MS4A15: variants seen among roughly 807,000 people sequenced by gnomAD.
MS4A15 encodes membrane-spanning 4-domains subfamily A member 15.
MS4A15 carries 22 observed loss-of-function variants against 20.6 expected under a neutral mutation model. The observed-to-expected ratio is 1.07, with a 90% CI of 0.76 to 1.52. The LOEUF is 1.52. Ranked by LOEUF, MS4A15 falls within the 40% of genes most tolerant of loss-of-function variation. The pLI is 0.00. For synonymous variants in MS4A15, 129 were observed against 129.3 expected (o/e 1.00, Z 0.02); for missense variants, 312 against 323.0 (o/e 0.97, Z 0.26).
chr11:60,765,266 G>A (rs1374667093), intron 2 of MS4A15, among the ~76,000 whole-genome samples: 1 of 152,160 alleles, frequency 6.6e-6, no homozygotes. Flanking sequence ...TGGTTGGGTT[G>A]CAGTTTGTTA....
intron 2 of MS4A15, 67 bp from the exon 3 acceptor site, chr11:60,767,463 CTCT>C (rs879507707): frequency 7.1e-7 from 1 of 1,408,346 alleles, no homozygotes; most frequent in Non-Finnish European, 9.3e-7. Context: ...GCCAGCCACG[CTCT>C]CCGCGGGGCC....
At chr11:60,759,630 T>C (rs544579840) in intron 1 of MS4A15, among the ~76,000 whole-genome samples, 83 of 152,278 alleles carry the variant, frequency 5.5e-4, no homozygotes, top group Non-Finnish European at 1.0e-3. Flanking sequence ...GAATGGAATG[T>C]CTCGGTGTAA....
At position 60,773,486 on chromosome 11, in the gene MS4A15, T is replaced by A; in HGVS notation, c.498+2T>A. 6.2e-7 allele frequency: 1 copy of A among 1,613,374 alleles called. No homozygotes were observed. The highest frequency in any genetic ancestry group is 2.2e-5 in the East Asian group (1 of 44,850). ...ATGGATTTTGGTGTTACCAACCGGG[T>A]GCGTTGTCAGATGGCCCTCGGGGTG... On this transcript the variant is annotated splice_donor_variant, in intron 5 of 6. Coordinates refer to ENST00000405633, the MANE Select transcript of MS4A15 (RefSeq NM_001098835.2). LOFTEE classifies it high-confidence loss of function.
rs1401851370 is a variant in MS4A15, at chr11:60,775,605, C to A, written c.613C>A (p.Pro205Thr). 2 of 1,613,542 alleles carry A rather than the reference C, an allele frequency of 1.2e-6. No homozygotes were observed. Among genetic ancestry groups the A allele is most frequent in the Non-Finnish European group, 8.5e-7 (1 of 1,179,666 alleles). ...CQAIHAQASA[P>T]VIFLPNAFSA... ...ACGCTCAGTGCTGTTTTCTTTGCAG[C>A]CTGTGATCTTCCTGCCAAACGCCTT... Residue 205 changes from proline to threonine, a missense_variant and splice_region_variant, in exon 7 of 7, where the codon CCT (proline) becomes ACT (threonine). Transcript: ENST00000405633.
At chr11:60,775,439 T>C (rs1445864245) in intron 6 of MS4A15, among the ~76,000 whole-genome samples, 166 bp from the exon 7 acceptor site, 1 of 152,132 alleles carries the variant, frequency 6.6e-6, no homozygotes, top group Admixed American at 6.5e-5. Context: ...CCCCAGTAAA[T>C]GTTGTTTGAA....
In MS4A15 at chr11:60,771,416, TC is replaced by T. The variant is rs1467315911; in HGVS notation, c.405+72del. 5.2e-5 allele frequency: 83 copies of T among 1,597,608 alleles called. 1 individual carries two copies. In the Admixed American group the frequency reaches 1.4e-3, roughly 27 times the overall value. On this transcript the variant is annotated intron_variant, in intron 4 of 6. Coordinates refer to ENST00000405633, the MANE Select transcript of MS4A15 (RefSeq NM_001098835.2). ...GCTAAATCTCACTCTACCCTGCCCC[TC>T]CCATCCACTCACTCCTTCAGCTCAT...
At position 60,767,664 on chromosome 11, in the gene MS4A15, C is replaced by T. The variant is rs1364367379; in HGVS notation, c.348+9C>T. 5 of 1,543,884 alleles carry T rather than the reference C, an allele frequency of 3.2e-6. No individual in the cohort carries two copies. Among genetic ancestry groups the T allele is most frequent in the African/African-American group, 1.4e-5 (1 of 73,230 alleles). ...TCTGGGGAGGAGCCTGCGTGAGTGC[C>T]GGGGCCATGGAGAGGGAGGGTAGGG... On this transcript the variant is annotated intron_variant, in intron 3 of 6. Coordinates refer to ENST00000405633, the MANE Select transcript of MS4A15 (RefSeq NM_001098835.2).
chr11:60,762,055 GA>G (rs1179657975), intron 1 of MS4A15, among the ~76,000 whole-genome samples: 1 of 152,228 alleles, frequency 6.6e-6, no homozygotes, highest in East Asian at 1.9e-4. Flanking sequence ...CTCATACTCA[GA>G]AAAAAAGATT....
chr11:60,769,785 AG>A (rs1482832728), intron 3 of MS4A15, among the ~76,000 whole-genome samples: 3 of 152,248 alleles, frequency 2.0e-5, no homozygotes, highest in Admixed American at 2.0e-4. Context: ...CCCCAGCAGC[AG>A]GTCGCGCCGG....
At chr11:60,766,446 G>A (rs2134713012) in intron 2 of MS4A15, among the ~76,000 whole-genome samples, 1 of 152,304 alleles carries the variant, frequency 6.6e-6, no homozygotes, top group South Asian at 2.1e-4. Flanking sequence ...GACCACATCT[G>A]TAAAACCCCC....
chr11:60,771,498 G>A (rs1288816724), intron 4 of MS4A15, 151 bp downstream of exon 4: 14 of 1,538,266 alleles, frequency 9.1e-6, no homozygotes, highest in Non-Finnish European at 1.0e-5. Context: ...CACCCAGGCA[G>A]ACCAGACGCA....
chr11:60,762,009 G>C (rs1390168754), intron 1 of MS4A15, among the ~76,000 whole-genome samples: 1 of 152,182 alleles, frequency 6.6e-6, no homozygotes, highest in Admixed American at 6.5e-5. Context: ...AGCTGGGAAG[G>C]AGATTCAACC....
chr11:60,771,931 A>G (rs2134726434), intron 4 of MS4A15, among the ~76,000 whole-genome samples: 1 of 152,340 alleles, frequency 6.6e-6, no homozygotes, highest in African/African-American at 2.4e-5. Context: ...GATCATGAAC[A>G]CGGCAGCGAA....
At chr11:60,759,556 A>G (rs1853679770) in intron 1 of MS4A15, among the ~76,000 whole-genome samples, 1 of 152,082 alleles carries the variant, frequency 6.6e-6, no homozygotes, top group Non-Finnish European at 1.5e-5. Flanking sequence ...GAGGATTAGT[A>G]AAAGAGGAAG....
Position 60,775,585 on chromosome 11 carries a change from C to G in MS4A15, c.613-20C>G. ...AAGCTCCAGCGTCCTCCAGGACGCT[C>G]AGTGCTGTTTTCTTTGCAGCCTGTG... On this transcript the variant is annotated intron_variant, in intron 6 of 6. Coordinates refer to ENST00000405633, the MANE Select transcript of MS4A15 (RefSeq NM_001098835.2). The G allele has an allele frequency of 6.2e-7, 1 of 1,605,992 alleles. No homozygotes were observed. The highest frequency in any genetic ancestry group is 2.2e-5 in the East Asian group (1 of 44,838).
intron 2 of MS4A15, among the ~76,000 whole-genome samples, chr11:60,765,083 T>A (rs1485615904): frequency 6.7e-6 from 1 of 150,000 alleles, no homozygotes; most frequent in Non-Finnish European, 1.5e-5. Context: ...AGTAGAGAAA[T>A]CTCCCGATCA....
At chr11:60,773,331 C>T (rs1854090019) in intron 4 of MS4A15, 61 bp from the exon 5 acceptor site, 8 of 1,440,164 alleles carry the variant, frequency 5.6e-6, no homozygotes, top group Non-Finnish European at 7.6e-6. Context: ...GAGCCACAGC[C>T]CCTGCCTTTT....
intron 1 of MS4A15, among the ~76,000 whole-genome samples, chr11:60,759,646 A>G (rs532548002): frequency 1.3e-5 from 2 of 151,944 alleles, no homozygotes; most frequent in African/African-American, 4.8e-5. Flanking sequence ...TGTAAAGCCG[A>G]CTATTCGTTC....
chr11:60,765,298 G>A lies in MS4A15; in HGVS notation c.225+1340G>A, dbSNP rs558373598. ...GTTATGTAGGAACTCAAATTATGGAGACAGGCTAATGGCCACCTGCTATTT... is the reference window on the plus strand; with the variant it reads ...GTTATGTAGGAACTCAAATTATGGAAACAGGCTAATGGCCACCTGCTATTT... On this transcript the variant is annotated intron_variant, in intron 2 of 6. Coordinates refer to ENST00000405633, the MANE Select transcript of MS4A15 (RefSeq NM_001098835.2). 2.0e-5 allele frequency among the ~76,000 whole-genome samples: 3 copies of A among 152,268 alleles called. No individual in the cohort carries two copies. The South Asian group carries it at 6.2e-4, about 32-fold the overall frequency.
Sources: gnomAD v4.1 joint callset for allele counts (sites outside exome capture counted in the v4.1 genomes callset) on GRCh38, gnomAD v4.1.1 for gene constraint, MANE v1.5 for transcripts, NCBI Gene and HGNC (gene_info 2026-07-23, HGNC 2026-07-21) for gene names.